The following PDE4B variants were observed in gnomAD, a reference collection of about 807,000 sequenced individuals.
The protein encoded by PDE4B is phosphodiesterase 4B, also known as 3',5'-cyclic-AMP phosphodiesterase 4B.
A neutral mutation model predicts 82.2 loss-of-function variants in PDE4B; 20 were observed. That is an observed-to-expected ratio of 0.24 (90% CI 0.17 to 0.35). The LOEUF is 0.35. Ranked by LOEUF, PDE4B falls within the 10% of genes least tolerant of loss-of-function variation. The pLI is 1.00. For missense variants in PDE4B, 655 were observed against 907.2 expected (o/e 0.72, Z 3.57); for synonymous variants, 320 against 318.9 (o/e 1.00, Z -0.04).
intron 3 of PDE4B, among the ~76,000 whole-genome samples, chr1:66,089,236 A>G (rs1644961355): frequency 6.6e-6 from 1 of 152,144 alleles, no homozygotes; most frequent in Non-Finnish European, 1.5e-5. Flanking sequence ...GAGACAAGGT[A>G]TACAAAGTAC....
In PDE4B at chr1:66,290,348, G is replaced by A. The variant is rs938533952; in HGVS notation, c.634+24261G>A. Among the ~76,000 whole-genome samples, 3 of 152,124 alleles carry A rather than the reference G, an allele frequency of 2.0e-5. No individual in the cohort carries two copies. The South Asian group carries it at 6.2e-4, about 32-fold the overall frequency. ...AGCTTATATTTATTGATGTGTACCA[G>A]GTAATGTTCTAAGTAAGTTTCATTT... On this transcript the variant is annotated intron_variant, in intron 7 of 16. Coordinates refer to ENST00000341517, the MANE Select transcript of PDE4B (RefSeq NM_002600.4).
At position 66,274,680 on chromosome 1, in the gene PDE4B, T is replaced by A. The variant is rs1366707230; in HGVS notation, c.634+8593T>A. 3.3e-5 allele frequency among the ~76,000 whole-genome samples: 5 copies of A among 152,254 alleles called. No homozygotes were observed. The East Asian group carries it at 9.6e-4, about 29-fold the overall frequency. ...CCAAAATTAGGATGGAAATTGTGTG[T>A]TTTGGTTGTAAGGATTAAATATGTT... On this transcript the variant is annotated intron_variant, in intron 7 of 16. Transcript: ENST00000341517.
intron 3 of PDE4B, among the ~76,000 whole-genome samples, chr1:66,179,859 C>A (rs963464843): frequency 6.6e-6 from 1 of 152,096 alleles, no homozygotes; most frequent in Non-Finnish European, 1.5e-5. Flanking sequence ...TCCTTTCTTA[C>A]GAGTTCGGAA....
chr1:66,206,546 A>G (rs1325853407), intron 3 of PDE4B, among the ~76,000 whole-genome samples: 1 of 152,236 alleles, frequency 6.6e-6, no homozygotes, highest in Admixed American at 6.5e-5. Context: ...TTTTAAAAAA[A>G]TTCTTTGGGT....
chr1:66,192,791 T>TTAA (rs756620037), intron 3 of PDE4B, among the ~76,000 whole-genome samples: 38 of 152,008 alleles, frequency 2.5e-4, no homozygotes, highest in Non-Finnish European at 4.1e-4. Flanking sequence ...CATATGGCAA[T>TTAA]TAATAATAAT....
chr1:65,882,680 ATGTG>A (rs5774774), intron 1 of PDE4B, among the ~76,000 whole-genome samples: 133 of 149,416 alleles, frequency 8.9e-4, no homozygotes, highest in East Asian at 2.7e-3. Flanking sequence ...TTTGAAAAAT[ATGTG>A]TGTGTGTGTG....
intron 6 of PDE4B, among the ~76,000 whole-genome samples, chr1:66,265,010 C>T (rs1425693539): frequency 3.3e-5 from 5 of 152,256 alleles, no homozygotes; most frequent in Non-Finnish European, 7.3e-5. Context: ...GAGTCTCACT[C>T]TCTTGCTCAT....
intron 7 of PDE4B, among the ~76,000 whole-genome samples, chr1:66,275,354 G>A (rs1012809934): frequency 7.2e-5 from 11 of 152,248 alleles, no homozygotes; most frequent in Admixed American, 2.0e-4. Context: ...GCTAGGAGCT[G>A]GTGCAAAGCC....
intron 1 of PDE4B, among the ~76,000 whole-genome samples, chr1:65,885,304 G>A (rs541179030): frequency 5.5e-4 from 83 of 152,288 alleles, no homozygotes; most frequent in Middle Eastern, 3.4e-3. Flanking sequence ...ACAGTGTGGC[G>A]ATTCCTCAAG....
chr1:65,899,471 G>A (rs1177941310), intron 1 of PDE4B, among the ~76,000 whole-genome samples: 1 of 151,796 alleles, frequency 6.6e-6, no homozygotes. Flanking sequence ...CCACTACTGG[G>A]TATCTATCCA....
At chr1:66,149,768 C>T (rs552927741) in intron 3 of PDE4B, among the ~76,000 whole-genome samples, 1 of 152,190 alleles carries the variant, frequency 6.6e-6, no homozygotes, top group South Asian at 2.1e-4. Flanking sequence ...CAGGAGCATC[C>T]CTTGATCCCA....
intron 3 of PDE4B, among the ~76,000 whole-genome samples, chr1:65,982,419 G>A (rs1026034305): frequency 1.3e-5 from 2 of 152,294 alleles, no homozygotes; most frequent in South Asian, 4.1e-4. Context: ...ACCAGAGTGT[G>A]AAGACTGGAA....
At chr1:66,359,489 A>G (rs1449992358) in intron 9 of PDE4B, among the ~76,000 whole-genome samples, 5 of 152,248 alleles carry the variant, frequency 3.3e-5, no homozygotes, top group Non-Finnish European at 2.9e-5. Context: ...AGTTGTTCCA[A>G]TGCCTGCATA....
At chr1:66,167,498 A>G (rs1272655732) in intron 3 of PDE4B, among the ~76,000 whole-genome samples, 1 of 152,198 alleles carries the variant, frequency 6.6e-6, no homozygotes, top group Non-Finnish European at 1.5e-5. Context: ...TTAGGAGTAA[A>G]TGGAAATGGA....
At chr1:65,965,855 T>C (rs1486730994) in intron 3 of PDE4B, among the ~76,000 whole-genome samples, 1 of 152,132 alleles carries the variant, frequency 6.6e-6, no homozygotes, top group Non-Finnish European at 1.5e-5. Flanking sequence ...CACCCCTTCA[T>C]GCTAAAAGCT....
At chr1:66,201,686 G>T (rs563399692) in intron 3 of PDE4B, among the ~76,000 whole-genome samples, 4 of 127,892 alleles carry the variant, frequency 3.1e-5, no homozygotes, top group South Asian at 2.4e-4. Context: ...GGGATCTGTG[G>T]TGATATCCCC....
intron 1 of PDE4B, among the ~76,000 whole-genome samples, chr1:65,818,782 T>C (rs1002113369): frequency 2.0e-5 from 3 of 151,558 alleles, no homozygotes; most frequent in Non-Finnish European, 4.4e-5. Context: ...ATTATACAGG[T>C]AAAGAAATGG....
At chr1:65,850,520 T>G (rs1571014424) in intron 1 of PDE4B, among the ~76,000 whole-genome samples, 1 of 152,280 alleles carries the variant, frequency 6.6e-6, no homozygotes, top group South Asian at 2.1e-4. Flanking sequence ...CCTCTGATGG[T>G]GAAGGATGTG....
chr1:65,835,471 C>T lies in PDE4B; in HGVS notation c.-71+42223C>T, dbSNP rs910490657. Among the ~76,000 whole-genome samples the T allele has an allele frequency of 1.1e-4, 16 of 152,074 alleles. No individual in the cohort carries two copies. In the South Asian group the frequency reaches 1.5e-3, roughly 14 times the overall value. Reference sequence around the variant, plus strand: ...AGTGTTAATTTTCAAAATACGATATCGGCAAACCTAAAGGAGAAGCCAAGA... The same window carrying T: ...AGTGTTAATTTTCAAAATACGATATTGGCAAACCTAAAGGAGAAGCCAAGA... On this transcript the variant is annotated intron_variant, in intron 1 of 16. Transcript: ENST00000341517.
Sources: allele counts gnomAD v4.1 joint callset (sites outside exome capture counted in the v4.1 genomes callset), GRCh38; gene constraint gnomAD v4.1.1; transcripts MANE v1.5; gene names NCBI Gene and HGNC (gene_info 2026-07-23, HGNC 2026-07-21).